Variants in XKR6 observed in about 807,000 individuals in gnomAD.
The protein encoded by XKR6 is XK-related protein 6.
In XKR6, 22 loss-of-function variants were observed where a neutral mutation model predicts 56.7. The ratio of observed to expected loss-of-function variants is 0.39; its 90% CI spans 0.28 to 0.55. The LOEUF (loss-of-function observed/expected upper bound fraction) is 0.55. Ranked by LOEUF, XKR6 falls within the 20% of genes least tolerant of loss-of-function variation. The pLI is 0.66. For synonymous variants in XKR6, 524 were observed against 387.8 expected, an observed-to-expected ratio of 1.35 and a Z score of -4.13; for missense variants, 852 against 889.0, an observed-to-expected ratio of 0.96 and a Z score of 0.53.
At chr8:10,999,864 C>T (rs964814360) in intron 1 of XKR6, among the ~76,000 whole-genome samples, 1 of 152,074 alleles carries the variant, frequency 6.6e-6, no homozygotes, top group Non-Finnish European at 1.5e-5. Context: ...AGGCATCTCC[C>T]CACATGCCAA....
At chr8:11,118,462 A>C (rs1002509970) in intron 1 of XKR6, among the ~76,000 whole-genome samples, 1 of 152,218 alleles carries the variant, frequency 6.6e-6, no homozygotes, top group African/African-American at 2.4e-5. Context: ...TTGGTAAGCT[A>C]TTAACTATTG....
At chr8:10,973,470 C>T (rs1376605704) in intron 1 of XKR6, among the ~76,000 whole-genome samples, 3 of 152,248 alleles carry the variant, frequency 2.0e-5, no homozygotes, top group Admixed American at 6.5e-5. Flanking sequence ...TTCATTCAAT[C>T]TTCCCAACCA....
intron 1 of XKR6, among the ~76,000 whole-genome samples, chr8:10,926,183 T>C (rs1305475079): frequency 1.3e-5 from 2 of 152,214 alleles, no homozygotes; most frequent in Non-Finnish European, 1.5e-5. Context: ...CACTCAGGGC[T>C]GCCGGATGGT....
chr8:11,092,222 C>T (rs1798095609), intron 1 of XKR6, among the ~76,000 whole-genome samples: 1 of 152,200 alleles, frequency 6.6e-6, no homozygotes, highest in African/African-American at 2.4e-5. Flanking sequence ...TAAAATTCTT[C>T]TGACAACTCA....
chr8:10,951,600 C>G (rs971611518), intron 1 of XKR6, among the ~76,000 whole-genome samples: 3 of 152,222 alleles, frequency 2.0e-5, no homozygotes, highest in African/African-American at 7.2e-5. Flanking sequence ...AGGGTCTTCA[C>G]CTGCAGAATG....
At chr8:11,033,619 G>T (rs1799062199) in intron 1 of XKR6, among the ~76,000 whole-genome samples, 1 of 152,138 alleles carries the variant, frequency 6.6e-6, no homozygotes, top group African/African-American at 2.4e-5. Flanking sequence ...TATGGGCACT[G>T]CCCCATAACC....
At chr8:11,145,305 TAAG>T (rs1563172322) in intron 1 of XKR6, among the ~76,000 whole-genome samples, 4 of 152,090 alleles carry the variant, frequency 2.6e-5, no homozygotes, top group African/African-American at 9.7e-5. Context: ...ATGTTTCAGA[TAAG>T]GAGGACTCAG....
At chr8:10,986,876 A>C (rs868328513) in intron 1 of XKR6, among the ~76,000 whole-genome samples, 1 of 152,104 alleles carries the variant, frequency 6.6e-6, no homozygotes, top group Admixed American at 6.5e-5. Context: ...CCAGGGCTCA[A>C]GCCTTCTGCC....
In XKR6 at chr8:11,156,861, A is replaced by G. The variant is rs553034221; in HGVS notation, c.764+43715T>C. Among the ~76,000 whole-genome samples the G allele has an allele frequency of 3.3e-5, 5 of 152,206 alleles. No individual in the cohort carries two copies. The East Asian group carries it at 7.7e-4, about 24-fold the overall frequency. On this transcript the variant is annotated intron_variant, in intron 1 of 2. Coordinates refer to ENST00000416569, the MANE Select transcript of XKR6 (RefSeq NM_173683.4). ...CACACACACACATACACACACACAC[A>G]GAGTCCTTCAGGGTAGGCTACACTT...
chr8:10,948,396 T>C (rs1009950208), intron 1 of XKR6, among the ~76,000 whole-genome samples: 1 of 152,184 alleles, frequency 6.6e-6, no homozygotes, highest in African/African-American at 2.4e-5. Flanking sequence ...TTGAAACCTC[T>C]GCCAGCTGAG....
intron 2 of XKR6, among the ~76,000 whole-genome samples, chr8:10,902,135 C>A (rs975472450): frequency 1.4e-4 from 22 of 152,150 alleles, no homozygotes; most frequent in Non-Finnish European, 2.2e-4. Context: ...GAATTTCGCC[C>A]AAGGGTACTG....
chr8:10,945,284 C>A (rs531128625), intron 1 of XKR6, among the ~76,000 whole-genome samples: 1 of 152,298 alleles, frequency 6.6e-6, no homozygotes, highest in South Asian at 2.1e-4. Context: ...GGGAGTTCGA[C>A]ACCAGCCTGG....
At chr8:11,138,601 T>G (rs926350331) in intron 1 of XKR6, 3 of 152,234 alleles carry the variant, frequency 2.0e-5, no homozygotes, top group African/African-American at 7.2e-5. Context: ...TATTTAATTT[T>G]AATCCTCCCT....
At chr8:10,996,713 A>G (rs1190803920) in intron 1 of XKR6, among the ~76,000 whole-genome samples, 1 of 152,288 alleles carries the variant, frequency 6.6e-6, no homozygotes, top group East Asian at 1.9e-4. Flanking sequence ...GAAAGAAGAC[A>G]CTAACAAGAA....
chr8:11,120,525 C>G (rs977566588), intron 1 of XKR6, among the ~76,000 whole-genome samples: 31 of 151,950 alleles, frequency 2.0e-4, no homozygotes, highest in East Asian at 1.4e-3. Flanking sequence ...CACTGCTCAA[C>G]GAAATAAAAG....
intron 1 of XKR6, among the ~76,000 whole-genome samples, chr8:11,127,961 G>A (rs1309069556): frequency 6.6e-6 from 1 of 152,158 alleles, no homozygotes; most frequent in Non-Finnish European, 1.5e-5. Context: ...TCAATGCATA[G>A]TTCACACTAA....
chr8:11,161,124 A>G (rs966057895), intron 1 of XKR6, among the ~76,000 whole-genome samples: 1 of 152,156 alleles, frequency 6.6e-6, no homozygotes, highest in Non-Finnish European at 1.5e-5. Flanking sequence ...AAAACTGCCA[A>G]CAGGAACTGA....
intron 1 of XKR6, among the ~76,000 whole-genome samples, chr8:10,986,871 GCTCAAGCCTTCTGCCTCAGCCC>G (rs1161789995): frequency 6.6e-6 from 1 of 151,814 alleles, no homozygotes; most frequent in East Asian, 1.9e-4. Context: ...GAACTCCAGG[GCTCAAGCCTTCTGCCTCAGCCC>G]CTAAGTAGAT....
chr8:10,934,535 T>C (rs1801157058), intron 1 of XKR6, among the ~76,000 whole-genome samples: 1 of 130,906 alleles, frequency 7.6e-6, no homozygotes, highest in Non-Finnish European at 1.8e-5. Flanking sequence ...GGCTGTGAGT[T>C]TGTCATAGAT....
Sources: gnomAD v4.1 joint callset for allele counts (sites outside exome capture counted in the v4.1 genomes callset) on GRCh38, gnomAD v4.1.1 for gene constraint, MANE v1.5 for transcripts, NCBI Gene and HGNC (gene_info 2026-07-23, HGNC 2026-07-21) for gene names.